SLC4A7: variants seen among roughly 807,000 people sequenced by gnomAD.
The protein encoded by SLC4A7 is sodium bicarbonate cotransporter 3.
SLC4A7 carries 51 observed loss-of-function variants against 137.6 expected under a neutral mutation model. That is an observed-to-expected ratio of 0.37 (90% CI 0.30 to 0.47). The LOEUF (loss-of-function observed/expected upper bound fraction) is 0.47, where lower values mean the gene tolerates loss of function less well. SLC4A7 is among the 20% of genes least tolerant of loss of function. The probability of loss-of-function intolerance (pLI) is 1.00; values close to 1 mark genes in which losing one functional copy is unlikely to be tolerated. For missense variants in SLC4A7, 1,247 were observed against 1,525.4 expected (o/e 0.82, Z 3.04); for synonymous variants, 542 against 518.6 (o/e 1.05, Z -0.61).
At chr3:27,429,943 T>TGGTGACTCACA (rs1370636008) in intron 7 of SLC4A7, among the ~76,000 whole-genome samples, 1 of 152,026 alleles carries the variant, frequency 6.6e-6, no homozygotes, top group Non-Finnish European at 1.5e-5. Context: ...TGGCTGGGCC[T>TGGTGACTCACA]GGTGACTCAC....
chr3:27,421,487 T>C (rs2054975048), intron 9 of SLC4A7, 135 bp downstream of exon 9: 20 of 760,560 alleles, frequency 2.6e-5, no homozygotes, highest in Middle Eastern at 4.0e-4. Context: ...CAAAGTGAGA[T>C]TGTCTCAAAA....
At chr3:27,455,108 T>C (rs1576576854) in intron 1 of SLC4A7, among the ~76,000 whole-genome samples, 1 of 152,080 alleles carries the variant, frequency 6.6e-6, no homozygotes, top group African/African-American at 2.4e-5. Context: ...TCAACTTCTC[T>C]GAACTTTCAT....
rs1245539650 is a variant in SLC4A7 at position 27,373,657 on chromosome 3, C to G, written c.*3107G>C. ...AACAGCAAGCTCTGGTGTTATACCT[C>G]AGTTTCAGAAAGCATTTTTCTTTCA... On this transcript the variant is annotated 3_prime_UTR_variant, in exon 26 of 26. Transcript: ENST00000454389. The G allele has an allele frequency of 6.6e-6, 1 of 152,118 alleles. No homozygotes were observed. The highest frequency in any genetic ancestry group is 1.5e-5 in the Non-Finnish European group (1 of 67,962). The allele number at this position is 152,118 out of a possible 1,614,324, so 9.4% of individuals were successfully genotyped here.
Position 27,407,296 on chromosome 3 carries a change from A to T in SLC4A7, c.1941+2060T>A, listed in dbSNP as rs2053468523. On this transcript the variant is annotated intron_variant, in intron 13 of 25. Transcript: ENST00000454389. ...CATTATCGAGACCAGCCTGACCAAC[A>T]TGATGAAACCCTGTCTCTACTAAAA... Among the ~76,000 whole-genome samples, 3 of 152,034 alleles carry T rather than the reference A, an allele frequency of 2.0e-5. No individual in the cohort carries two copies. The South Asian group carries it at 6.2e-4, about 32-fold the overall frequency.
intron 1 of SLC4A7, among the ~76,000 whole-genome samples, chr3:27,453,994 C>A (rs1211980507): frequency 6.6e-6 from 1 of 152,012 alleles, no homozygotes; most frequent in African/African-American, 2.4e-5. Context: ...CCATGTAGAC[C>A]ATGAGACAAT....
chr3:27,397,620 G>A (rs1211877665), intron 18 of SLC4A7, 64 bp downstream of exon 18: 8 of 764,634 alleles, frequency 1.0e-5, no homozygotes, highest in East Asian at 1.0e-4. Context: ...TGAGAAAATA[G>A]TATCTTGCTT....
rs568931504 is a variant in SLC4A7, at chr3:27,473,951, T to C, written c.60+10116A>G. On this transcript the variant is annotated intron_variant, in intron 1 of 25. Coordinates refer to ENST00000454389, the MANE Select transcript of SLC4A7 (RefSeq NM_001321103.2). ...TCATATTACAGAAAAAATATATAAA[T>C]GGTAAATTTAAGATGAAACTATGAA... is the stretch of plus-strand genomic sequence containing the variant. 1.2e-3 allele frequency among the ~76,000 whole-genome samples: 182 copies of C among 152,140 alleles called. 1 individual carries two copies. The highest frequency in any genetic ancestry group is 9.3e-4 in the Non-Finnish European group (63 of 68,000).
At chr3:27,450,913 C>T (rs956510315) in intron 2 of SLC4A7, among the ~76,000 whole-genome samples, 1 of 151,944 alleles carries the variant, frequency 6.6e-6, no homozygotes, top group African/African-American at 2.4e-5. Flanking sequence ...GAGCTTAGGG[C>T]CTGTGATAAC....
chr3:27,483,941 A>T, intron 1 of SLC4A7, 126 bp downstream of exon 1: 1 of 635,732 alleles, frequency 1.6e-6, no homozygotes, highest in Non-Finnish European at 2.2e-6. Flanking sequence ...GGCCGCCGGG[A>T]GGTGGAGGGG....
chr3:27,380,417 A>G (rs1024476159), intron 24 of SLC4A7, among the ~76,000 whole-genome samples: 1 of 152,166 alleles, frequency 6.6e-6, no homozygotes, highest in Non-Finnish European at 1.5e-5. Context: ...CTCAAATCCA[A>G]TAATATCCAT....
chr3:27,437,254 G>T, intron 4 of SLC4A7, 134 bp downstream of exon 4: 2 of 448,212 alleles, frequency 4.5e-6, no homozygotes, highest in Non-Finnish European at 3.8e-6. Flanking sequence ...GGGAGGCTGA[G>T]ACAGGAAAAT....
intron 1 of SLC4A7, among the ~76,000 whole-genome samples, chr3:27,473,311 T>TA (rs200099465): frequency 3.3e-5 from 5 of 150,914 alleles, no homozygotes; most frequent in African/African-American, 7.3e-5. Flanking sequence ...CCTCATCTCT[T>TA]AAAAAAAAAT....
intron 1 of SLC4A7, among the ~76,000 whole-genome samples, chr3:27,475,467 C>A (rs912552786): frequency 1.3e-5 from 2 of 151,942 alleles, no homozygotes; most frequent in Non-Finnish European, 2.9e-5. Context: ...ATATCTGAAA[C>A]CCAAACATGT....
chr3:27,398,089 G>T, intron 17 of SLC4A7, 103 bp downstream of exon 17: 1 of 777,058 alleles, frequency 1.3e-6, no homozygotes, highest in Non-Finnish European at 2.1e-6. Flanking sequence ...AGTTGGCATG[G>T]AGTATTAACC....
intron 6 of SLC4A7, among the ~76,000 whole-genome samples, 176 bp from the exon 7 acceptor site, chr3:27,431,845 A>G (rs2056331102): frequency 6.6e-6 from 1 of 152,202 alleles, no homozygotes; most frequent in Non-Finnish European, 1.5e-5. Context: ...GTCACTAAAA[A>G]GTTGGTTAAA....
intron 21 of SLC4A7, among the ~76,000 whole-genome samples, chr3:27,390,787 C>T (rs764038987): frequency 3.9e-5 from 6 of 152,046 alleles, no homozygotes; most frequent in Non-Finnish European, 7.4e-5. Flanking sequence ...GGTCATGTAG[C>T]GCTAACTGTG....
At chr3:27,416,970 T>C (rs1311180715) in intron 11 of SLC4A7, among the ~76,000 whole-genome samples, 2 of 152,116 alleles carry the variant, frequency 1.3e-5, no homozygotes, top group East Asian at 1.9e-4. Flanking sequence ...TTTCTGAATA[T>C]AGAAAGCTGA....
At chr3:27,395,473 G>C (rs568337060) in intron 18 of SLC4A7, among the ~76,000 whole-genome samples, 1 of 152,122 alleles carries the variant, frequency 6.6e-6, no homozygotes, top group African/African-American at 2.4e-5. Context: ...TCTCTAACCT[G>C]CTTTGAACCC....
At chr3:27,409,698 C>A (rs187065969) in intron 12 of SLC4A7, among the ~76,000 whole-genome samples, 168 bp from the exon 13 acceptor site, 115 of 152,242 alleles carry the variant, frequency 7.6e-4, no homozygotes, top group Non-Finnish European at 1.4e-3. Flanking sequence ...TTAATCTAAT[C>A]TAATGATAGA....
Sources: allele counts gnomAD v4.1 joint callset (sites outside exome capture counted in the v4.1 genomes callset), GRCh38; gene constraint gnomAD v4.1.1; transcripts MANE v1.5; gene names NCBI Gene and HGNC (gene_info 2026-07-23, HGNC 2026-07-21).